The following PDZD8 variants were observed in gnomAD, a reference collection of about 807,000 sequenced individuals.
PDZD8 encodes the protein PDZ domain containing 8.
A neutral mutation model predicts 85.8 loss-of-function variants in PDZD8; 14 were observed. The observed-to-expected ratio is 0.16, with a 90% CI of 0.11 to 0.26. The LOEUF is 0.26. PDZD8 is among the 10% of genes least tolerant of loss of function. PDZD8 has a pLI of 1.00. For missense variants in PDZD8, 1,197 were observed against 1,424.3 expected, an observed-to-expected ratio of 0.84 and a Z score of 2.57; for synonymous variants, 592 against 568.6, an observed-to-expected ratio of 1.04 and a Z score of -0.59.
At chr10:117,299,423 A>G (rs1843809817) in intron 3 of PDZD8, among the ~76,000 whole-genome samples, 1 of 152,092 alleles carries the variant, frequency 6.6e-6, no homozygotes, top group Non-Finnish European at 1.5e-5. Context: ...AGACTTTTAG[A>G]TTTCTCTTCT....
intron 1 of PDZD8, among the ~76,000 whole-genome samples, chr10:117,362,527 T>G (rs1845016157): frequency 6.6e-6 from 1 of 152,084 alleles, no homozygotes; most frequent in Non-Finnish European, 1.5e-5. Flanking sequence ...AGAGAAATCA[T>G]AAGAGCACAG....
At chr10:117,319,549 G>T (rs1844192761) in intron 2 of PDZD8, among the ~76,000 whole-genome samples, 1 of 152,098 alleles carries the variant, frequency 6.6e-6, no homozygotes, top group African/African-American at 2.4e-5. Context: ...ACTGTTGTGA[G>T]TAAAAGGCAA....
At chr10:117,294,782 C>T (rs1233785595) in intron 3 of PDZD8, among the ~76,000 whole-genome samples, 2 of 152,090 alleles carry the variant, frequency 1.3e-5, no homozygotes, top group Non-Finnish European at 2.9e-5. Context: ...ACTGTATGAT[C>T]TCACTCATAT....
intron 3 of PDZD8, among the ~76,000 whole-genome samples, chr10:117,310,652 T>G (rs1025061828): frequency 6.6e-6 from 1 of 152,180 alleles, no homozygotes; most frequent in African/African-American, 2.4e-5. Flanking sequence ...TATAGAATGT[T>G]ATATATGGTT....
chr10:117,367,909 G>GAA (rs58822160), intron 1 of PDZD8, among the ~76,000 whole-genome samples: 17 of 142,846 alleles, frequency 1.2e-4, no homozygotes, highest in Non-Finnish European at 2.3e-4. Context: ...AACGAGAGAG[G>GAA]AAAAAAAAAA....
At position 117,290,520 on chromosome 10, in the gene PDZD8, C is replaced by T. The variant is rs533300950; in HGVS notation, c.1099-172G>A. On this transcript the variant is annotated intron_variant, in intron 3 of 4. Coordinates refer to ENST00000334464, the MANE Select transcript of PDZD8 (RefSeq NM_173791.5). ...TACTGTAACAATATAAATTAACTATCCTTAGGCTACACATTTAAATCATCA... is the reference window on the plus strand; with the variant it reads ...TACTGTAACAATATAAATTAACTATTCTTAGGCTACACATTTAAATCATCA... Among the ~76,000 whole-genome samples, 3 of 152,220 alleles carry T rather than the reference C, an allele frequency of 2.0e-5. No individual in the cohort carries two copies. In the South Asian group the frequency reaches 6.2e-4, roughly 32 times the overall value.
intron 4 of PDZD8, among the ~76,000 whole-genome samples, chr10:117,287,338 C>A (rs1371747544): frequency 6.6e-6 from 1 of 152,174 alleles, no homozygotes; most frequent in East Asian, 1.9e-4. Flanking sequence ...AAGTTTGCCA[C>A]TAGTTCTCTC....
intron 2 of PDZD8, among the ~76,000 whole-genome samples, chr10:117,320,283 T>G (rs1290887767): frequency 1.3e-5 from 2 of 152,064 alleles, no homozygotes; most frequent in Non-Finnish European, 2.9e-5. Context: ...AAGAGTAAAC[T>G]ACCTAAGGGC....
rs569089213 is a variant in PDZD8, at chr10:117,283,879, A to G, written c.2854T>C (p.Ser952Pro). The G allele has an allele frequency of 5.6e-6, 9 of 1,614,186 alleles. No homozygotes were observed. In the East Asian group the frequency reaches 1.6e-4, roughly 28 times the overall value. Residue 952 changes from serine (S) to proline (P), a missense_variant, in exon 5 of 5, where the codon TCT becomes CCT. By Grantham distance (74) the Ser-to-Pro change is moderately conservative. This residue lies in a region of PDZD8 where 418 missense variants were observed against 571.1 expected (regional missense o/e 0.73). Coordinates refer to ENST00000334464, the MANE Select transcript of PDZD8 (RefSeq NM_173791.5). ...CCTGGTTCAGAAAGGCGAGTTTTAGAGACTTGACGCAAATTTAATAAACGA... is the reference window on the plus strand; with the variant it reads ...CCTGGTTCAGAAAGGCGAGTTTTAGGGACTTGACGCAAATTTAATAAACGA... Reference protein sequence around the residue: ...SSRLLNLRQVSKTRLSEPGTD... With the variant: ...SSRLLNLRQVPKTRLSEPGTD...
intron 1 of PDZD8, among the ~76,000 whole-genome samples, chr10:117,359,582 G>A (rs546192247): frequency 7.2e-5 from 11 of 151,886 alleles, no homozygotes; most frequent in South Asian, 2.1e-4. Context: ...ATGGTGGTGC[G>A]CGCCTATAGT....
At chr10:117,349,131 A>G (rs187667814) in intron 1 of PDZD8, among the ~76,000 whole-genome samples, 316 of 152,326 alleles carry the variant, frequency 2.1e-3, no homozygotes, top group Non-Finnish European at 3.3e-3. Context: ...TGATCCAAAA[A>G]CAGTGGATCT....
At chr10:117,319,392 A>AAC (rs199983551) in intron 2 of PDZD8, among the ~76,000 whole-genome samples, 1,804 of 101,790 alleles carry the variant, frequency 0.018, 24 homozygotes, top group African/African-American at 0.052. Context: ...ATTGCTCATA[A>AAC]ACACACACAC....
intron 2 of PDZD8, among the ~76,000 whole-genome samples, chr10:117,326,653 ATCTCTAAT>A: frequency 6.6e-6 from 1 of 152,318 alleles, no homozygotes; most frequent in East Asian, 1.9e-4. Flanking sequence ...CTTTAGCAAC[ATCTCTAAT>A]ACAACTGTTT....
At chr10:117,341,780 C>T (rs1844617474) in intron 1 of PDZD8, among the ~76,000 whole-genome samples, 1 of 152,084 alleles carries the variant, frequency 6.6e-6, no homozygotes, top group Non-Finnish European at 1.5e-5. Context: ...GGATGTGGAA[C>T]CCATGGATGT....
intron 2 of PDZD8, among the ~76,000 whole-genome samples, chr10:117,323,283 T>A (rs1172132303): frequency 6.6e-6 from 1 of 152,150 alleles, no homozygotes; most frequent in African/African-American, 2.4e-5. Flanking sequence ...AAAGATTCAT[T>A]GCAAAAAGCT....
At chr10:117,352,344 C>T (rs897170514) in intron 1 of PDZD8, among the ~76,000 whole-genome samples, 2 of 152,120 alleles carry the variant, frequency 1.3e-5, no homozygotes, top group South Asian at 2.1e-4. Flanking sequence ...CAGATCAATA[C>T]GAGAAAACTT....
intron 1 of PDZD8, among the ~76,000 whole-genome samples, chr10:117,366,000 T>C (rs1282008498): frequency 6.6e-6 from 1 of 152,082 alleles, no homozygotes; most frequent in Non-Finnish European, 1.5e-5. Context: ...ACTGAACTAT[T>C]GATCTAGAGT....
chr10:117,333,526 C>T (rs1844466558), intron 2 of PDZD8, among the ~76,000 whole-genome samples: 2 of 152,116 alleles, frequency 1.3e-5, no homozygotes, highest in African/African-American at 4.8e-5. Context: ...GCCTCATTTG[C>T]TTCAGGTGGA....
intron 1 of PDZD8, among the ~76,000 whole-genome samples, chr10:117,344,834 A>G (rs1251841742): frequency 6.6e-6 from 1 of 152,170 alleles, no homozygotes; most frequent in Non-Finnish European, 1.5e-5. Flanking sequence ...AGTTCAGTCA[A>G]GAGGAGGGGG....
Sources: allele counts gnomAD v4.1 joint callset (sites outside exome capture counted in the v4.1 genomes callset), GRCh38; gene constraint gnomAD v4.1.1; regional missense constraint gnomAD v4.1.1; transcripts MANE v1.5; gene names NCBI Gene and HGNC (gene_info 2026-07-23, HGNC 2026-07-21).